The following DPP10 variants were observed in gnomAD, a reference collection of about 807,000 sequenced individuals.
The protein encoded by DPP10 is inactive dipeptidyl peptidase 10.
DPP10 carries 33 observed loss-of-function variants against 120.9 expected under a neutral mutation model. That is an observed-to-expected ratio of 0.27 (90% CI 0.21 to 0.37). DPP10 has a LOEUF of 0.37. Among genes scored for constraint, DPP10 ranks in the 10% least tolerant of loss-of-function variants. DPP10 has a pLI of 1.00. For synonymous variants in DPP10, 337 were observed against 326.1 expected, an observed-to-expected ratio of 1.03 and a Z score of -0.36; for missense variants, 816 against 942.8, an observed-to-expected ratio of 0.87 and a Z score of 1.76.
At position 115,499,607 on chromosome 2, in the gene DPP10, A is replaced by G. The variant is rs1354036323; in HGVS notation, c.366+3A>G. 5.0e-6 allele frequency: 8 copies of G among 1,600,722 alleles called. No homozygotes were observed. Among genetic ancestry groups the G allele is most frequent in the African/African-American group, 1.3e-5 (1 of 74,648 alleles). ...TATTATTGGAAAACACAACTTTTGT[A>G]AGTAATGAATAATTAATTACTTTAT... On this transcript the variant is annotated splice_donor_region_variant and intron_variant, in intron 4 of 25. Transcript: ENST00000410059.
intron 5 of DPP10, among the ~76,000 whole-genome samples, chr2:115,648,932 C>T (rs1374499404): frequency 6.6e-6 from 1 of 152,016 alleles, no homozygotes; most frequent in Non-Finnish European, 1.5e-5. Flanking sequence ...GGACACCAAC[C>T]CAGTTGGAAA....
At chr2:114,938,753 G>A (rs1271433021) in intron 1 of DPP10, among the ~76,000 whole-genome samples, 1 of 130,082 alleles carries the variant, frequency 7.7e-6, no homozygotes, top group Non-Finnish European at 1.6e-5. Flanking sequence ...TTTTTGGTCA[G>A]AGGAGACTTT....
chr2:115,792,834 C>A (rs920379944), intron 19 of DPP10, among the ~76,000 whole-genome samples: 4 of 152,130 alleles, frequency 2.6e-5, no homozygotes, highest in Admixed American at 6.5e-5. Flanking sequence ...AAGGGACATC[C>A]CTCAGGCACA....
At chr2:114,556,955 G>A (rs1688363212) in intron 1 of DPP10, among the ~76,000 whole-genome samples, 1 of 150,050 alleles carries the variant, frequency 6.7e-6, no homozygotes. Flanking sequence ...GTGGGGTGAG[G>A]AGAAAAAATA....
intron 5 of DPP10, among the ~76,000 whole-genome samples, chr2:115,540,676 A>C (rs2148961556): frequency 6.6e-6 from 1 of 152,034 alleles, no homozygotes; most frequent in Non-Finnish European, 1.5e-5. Context: ...AAACTTGTGA[A>C]TACTGTCAGA....
intron 2 of DPP10, among the ~76,000 whole-genome samples, chr2:115,324,024 A>G (rs2106120466): frequency 6.6e-6 from 1 of 152,226 alleles, no homozygotes; most frequent in East Asian, 1.9e-4. Context: ...TGAAGCTTTG[A>G]AACCAGGCAT....
chr2:114,790,173 A>G (rs1341627293), intron 1 of DPP10, among the ~76,000 whole-genome samples: 1 of 152,236 alleles, frequency 6.6e-6, no homozygotes, highest in Non-Finnish European at 1.5e-5. Flanking sequence ...GCTCAGCAAC[A>G]GAATATCCCG....
At chr2:115,514,666 A>G (rs956106567) in intron 4 of DPP10, among the ~76,000 whole-genome samples, 2 of 151,880 alleles carry the variant, frequency 1.3e-5, no homozygotes, top group Admixed American at 1.3e-4. Context: ...TTAAAATTCC[A>G]TCTTTCAGTC....
chr2:115,618,215 C>G (rs2084675001), intron 5 of DPP10, among the ~76,000 whole-genome samples: 1 of 152,068 alleles, frequency 6.6e-6, no homozygotes, highest in African/African-American at 2.4e-5. Flanking sequence ...ATGCTTTCTA[C>G]TAGGGATGAG....
At chr2:115,601,572 T>G (rs1308049076) in intron 5 of DPP10, among the ~76,000 whole-genome samples, 6 of 152,208 alleles carry the variant, frequency 3.9e-5, no homozygotes. Context: ...TATTAAAGAC[T>G]AATCTTTAGA....
At chr2:114,776,818 G>T (rs1681789291) in intron 1 of DPP10, among the ~76,000 whole-genome samples, 1 of 151,882 alleles carries the variant, frequency 6.6e-6, no homozygotes, top group Non-Finnish European at 1.5e-5. Context: ...TTGGAAAAGG[G>T]GATGAGTGGA....
chr2:114,872,166 G>T (rs865889970), intron 1 of DPP10, among the ~76,000 whole-genome samples: 1 of 152,152 alleles, frequency 6.6e-6, no homozygotes, highest in Non-Finnish European at 1.5e-5. Context: ...AAGGAAAGAG[G>T]TTTAATTGAC....
chr2:115,104,170 CTTTT>C (rs35125894), intron 1 of DPP10, among the ~76,000 whole-genome samples: 2 of 84,650 alleles, frequency 2.4e-5, no homozygotes, highest in African/African-American at 4.7e-5. Flanking sequence ...ATACATATGT[CTTTT>C]TTTTTTTTTT....
At chr2:114,555,031 A>G (rs1297425410) in intron 1 of DPP10, among the ~76,000 whole-genome samples, 5 of 152,182 alleles carry the variant, frequency 3.3e-5, no homozygotes, top group East Asian at 3.9e-4. Context: ...AGAATGCTGA[A>G]AAAGAAATGC....
At chr2:114,468,318 G>A (rs73946161) in intron 1 of DPP10, among the ~76,000 whole-genome samples, 8,980 of 144,444 alleles carry the variant, frequency 0.062, 860 homozygotes, top group African/African-American at 0.21. Context: ...GTGTTTCCTG[G>A]CATCAGCTAA....
At chr2:114,794,662 C>A (rs1008625749) in intron 1 of DPP10, among the ~76,000 whole-genome samples, 6 of 152,132 alleles carry the variant, frequency 3.9e-5, no homozygotes, top group Admixed American at 6.5e-5. Context: ...AATACTTGAG[C>A]AAAAATTATG....
intron 3 of DPP10, among the ~76,000 whole-genome samples, chr2:115,398,946 C>T (rs2104462633): frequency 6.6e-6 from 1 of 152,238 alleles, no homozygotes; most frequent in South Asian, 2.1e-4. Flanking sequence ...GTATAATTTT[C>T]CTATGGCTGC....
At chr2:114,686,390 A>T (rs564184146) in intron 1 of DPP10, among the ~76,000 whole-genome samples, 7 of 152,094 alleles carry the variant, frequency 4.6e-5, no homozygotes, top group African/African-American at 1.7e-4. Flanking sequence ...CAAAACAAAC[A>T]ATTTATTAAC....
At chr2:114,748,555 C>T (rs1380372306) in intron 1 of DPP10, among the ~76,000 whole-genome samples, 1 of 87,132 alleles carries the variant, frequency 1.1e-5, no homozygotes, top group Non-Finnish European at 2.1e-5. Context: ...CCTCCCCCCT[C>T]CCCCGACCCC....
Sources: allele counts gnomAD v4.1 joint callset (sites outside exome capture counted in the v4.1 genomes callset), GRCh38; gene constraint gnomAD v4.1.1; transcripts MANE v1.5; gene names NCBI Gene and HGNC (gene_info 2026-07-23, HGNC 2026-07-21).